SEMA3C: variants seen among roughly 807,000 people sequenced by gnomAD.
SEMA3C encodes semaphorin-3C.
SEMA3C carries 47 observed loss-of-function variants against 89.4 expected under a neutral mutation model. The observed-to-expected ratio is 0.53, with a 90% CI of 0.42 to 0.67. The LOEUF is 0.67. Ranked by LOEUF, SEMA3C falls within the 30% of genes least tolerant of loss-of-function variation. The pLI, the probability that SEMA3C is intolerant of heterozygous loss-of-function variation, is 0.00. For missense variants in SEMA3C, 839 were observed against 929.1 expected (o/e 0.90, Z 1.26); for synonymous variants, 310 against 320.2 (o/e 0.97, Z 0.34).
At chr7:80,846,194 T>G (rs539601811) in intron 2 of SEMA3C, among the ~76,000 whole-genome samples, 3 of 152,282 alleles carry the variant, frequency 2.0e-5, no homozygotes, top group African/African-American at 7.2e-5. Context: ...ACCTGACCCT[T>G]GCTACCTCCT....
At chr7:80,877,730 TCTTTGGTTATG>T (rs1791233484) in intron 2 of SEMA3C, among the ~76,000 whole-genome samples, 1 of 152,214 alleles carries the variant, frequency 6.6e-6, no homozygotes, top group Admixed American at 6.5e-5. Flanking sequence ...TCTCATCTAG[TCTTTGGTTATG>T]CAGTGGTAAG....
intron 2 of SEMA3C, among the ~76,000 whole-genome samples, chr7:80,887,117 G>A (rs919629773): frequency 1.3e-5 from 2 of 152,088 alleles, no homozygotes; most frequent in African/African-American, 4.8e-5. Flanking sequence ...CTATTTTAAT[G>A]TATCAGTGCC....
chr7:80,812,334 G>T (rs1789488251), intron 5 of SEMA3C, among the ~76,000 whole-genome samples: 1 of 152,126 alleles, frequency 6.6e-6, no homozygotes, highest in Non-Finnish European at 1.5e-5. Context: ...GACTTGTCCA[G>T]AAGACCACGT....
At chr7:80,789,586 A>G (rs768801090) in intron 11 of SEMA3C, 58 bp from the exon 12 acceptor site, 2 of 1,214,950 alleles carry the variant, frequency 1.6e-6, no homozygotes, top group African/African-American at 3.1e-5. Context: ...TTCTAGTAAT[A>G]ATCAAAAACT....
intron 2 of SEMA3C, among the ~76,000 whole-genome samples, chr7:80,841,846 C>T (rs959355281): frequency 1.3e-5 from 2 of 152,146 alleles, no homozygotes; most frequent in Non-Finnish European, 1.5e-5. Context: ...CCTAAAAAGA[C>T]AGCTACTTTA....
At chr7:80,916,895 A>G in intron 1 of SEMA3C, 76 bp from the exon 2 acceptor site, 2 of 1,198,762 alleles carry the variant, frequency 1.7e-6, no homozygotes, top group Non-Finnish European at 2.3e-6. Flanking sequence ...AATCTAGACA[A>G]AACACCCTAT....
chr7:80,814,973 A>C (rs1175862670), intron 5 of SEMA3C, among the ~76,000 whole-genome samples: 2 of 152,150 alleles, frequency 1.3e-5, no homozygotes, highest in Non-Finnish European at 2.9e-5. Context: ...CTAACACATA[A>C]GTGACAACAC....
intron 2 of SEMA3C, among the ~76,000 whole-genome samples, chr7:80,851,489 C>G (rs550388464): frequency 9.2e-4 from 101 of 109,906 alleles, no homozygotes; most frequent in African/African-American, 3.6e-3. Context: ...GGTGACAGAG[C>G]AAGACTCTTG....
chr7:80,854,624 C>A (rs1331017461), intron 2 of SEMA3C, among the ~76,000 whole-genome samples: 1 of 152,082 alleles, frequency 6.6e-6, no homozygotes, highest in African/African-American at 2.4e-5. Flanking sequence ...TATACCGGTG[C>A]CTATCAGTTG....
At chr7:80,843,802 C>T (rs1308815946) in intron 2 of SEMA3C, among the ~76,000 whole-genome samples, 1 of 152,012 alleles carries the variant, frequency 6.6e-6, no homozygotes, top group African/African-American at 2.4e-5. Flanking sequence ...TATGATATCT[C>T]AAGATTCTAA....
intron 11 of SEMA3C, chr7:80,793,409 G>A (rs1284618899): frequency 7.4e-6 from 3 of 405,684 alleles, no homozygotes; most frequent in South Asian, 3.7e-5. Flanking sequence ...CATTACTTGA[G>A]CATATTTTAT....
chr7:80,758,615 C>G, intron 14 of SEMA3C, 127 bp from the exon 15 acceptor site: 1 of 959,148 alleles, frequency 1.0e-6, no homozygotes, highest in Non-Finnish European at 1.6e-6. Context: ...AAACATGAAG[C>G]AAAGCACAGA....
At chr7:80,903,388 C>T (rs1379380675) in intron 2 of SEMA3C, among the ~76,000 whole-genome samples, 1 of 152,140 alleles carries the variant, frequency 6.6e-6, no homozygotes, top group Non-Finnish European at 1.5e-5. Context: ...GGGCCAGGCA[C>T]AATGGCTCAC....
chr7:80,789,370 T>C lies in SEMA3C; in HGVS notation c.1290A>G (p.Thr430=), dbSNP rs145331480. ...CGTTCACTCGATCCACAGCTATCTTTGTATACTTGTAGTCAGTGCCAATAC... is the reference window on the plus strand; with the variant it reads ...CGTTCACTCGATCCACAGCTATCTTCGTATACTTGTAGTCAGTGCCAATAC... ...IVRIGTDYKY[T]KIAVDRVNAA... The change falls in exon 12 of 18, where the codon ACA becomes ACG. Residue 430 remains threonine (T), a synonymous_variant. Transcript: ENST00000265361. The C allele has an allele frequency of 9.8e-5, 158 of 1,613,990 alleles. No individual in the cohort carries two copies. The highest frequency in any genetic ancestry group is 1.2e-4 in the Non-Finnish European group (146 of 1,179,996).
intron 2 of SEMA3C, among the ~76,000 whole-genome samples, chr7:80,833,252 G>A (rs1790050366): frequency 6.6e-6 from 1 of 152,012 alleles, no homozygotes; most frequent in South Asian, 2.1e-4. Flanking sequence ...GACCAACATG[G>A]TGAAACCCCA....
rs544682937 is a variant in SEMA3C, at chr7:80,874,052, C to T, written c.103+42627G>A. On this transcript the variant is annotated intron_variant, in intron 2 of 17. Transcript: ENST00000265361. ...GACAAAGGTGTAAGGTGTCCCAAAA[C>T]CCCAAGTGTTCCTGGCCTGAGGCAT... Among the ~76,000 whole-genome samples the T allele has an allele frequency of 1.4e-4, 22 of 152,284 alleles. No homozygotes were observed. The South Asian group carries it at 4.4e-3, about 30-fold the overall frequency.
chr7:80,884,969 T>C (rs1791437901), intron 2 of SEMA3C, among the ~76,000 whole-genome samples: 1 of 152,216 alleles, frequency 6.6e-6, no homozygotes, highest in Non-Finnish European at 1.5e-5. Context: ...TAAAAATATT[T>C]GGTTCCCACA....
Position 80,745,197 on chromosome 7 carries a change from C to T in SEMA3C, c.1953G>A (p.Lys651=). ...TGAAGTTGATCTTGGCTATGGTCTGCTTGAAACTATTTTCTGTAGCAATGC... is the reference window on the plus strand; with the variant it reads ...TGAAGTTGATCTTGGCTATGGTCTGTTTGAAACTATTTTCTGTAGCAATGC... ...YHCIATENSF[K]QTIAKINFKV... The change falls in exon 18 of 18, where the codon AAG becomes AAA. Residue 651 remains lysine, a synonymous_variant. Transcript: ENST00000265361. 1 of 1,614,018 alleles carries T rather than the reference C, an allele frequency of 6.2e-7. No homozygotes were observed. Among genetic ancestry groups the T allele is most frequent in the Non-Finnish European group, 8.5e-7 (1 of 1,180,000 alleles).
intron 11 of SEMA3C, among the ~76,000 whole-genome samples, chr7:80,790,912 C>A (rs993883011): frequency 3.9e-5 from 6 of 152,114 alleles, no homozygotes; most frequent in Non-Finnish European, 7.4e-5. Flanking sequence ...TATAACAGAG[C>A]TGGTTAGTAG....
Sources: allele counts gnomAD v4.1 joint callset (sites outside exome capture counted in the v4.1 genomes callset), GRCh38; gene constraint gnomAD v4.1.1; transcripts MANE v1.5; gene names NCBI Gene and HGNC (gene_info 2026-07-23, HGNC 2026-07-21).